The following CADM2 variants were observed in gnomAD, a reference collection of about 807,000 sequenced individuals.
CADM2 encodes the protein immunoglobulin superfamily member 4D.
A neutral mutation model predicts 49.8 loss-of-function variants in CADM2; 12 were observed. That is an observed-to-expected ratio of 0.24 (90% CI 0.15 to 0.39). CADM2 has a LOEUF of 0.39. CADM2 is among the 10% of genes least tolerant of loss of function. The pLI, the probability that CADM2 is intolerant of heterozygous loss-of-function variation, is 1.00. For missense variants in CADM2, 378 were observed against 492.3 expected (o/e 0.77, Z 2.20); for synonymous variants, 214 against 175.4 (o/e 1.22, Z -1.74).
intron 8 of CADM2, chr3:86,013,424 CTT>C: frequency 6.4e-7 from 1 of 1,566,418 alleles, no homozygotes; most frequent in Non-Finnish European, 8.8e-7. Context: ...CAGAAGGTCT[CTT>C]TACCCTAGAT....
chr3:86,040,069 G>A (rs1025800093), intron 8 of CADM2, among the ~76,000 whole-genome samples: 11 of 152,034 alleles, frequency 7.2e-5, no homozygotes, highest in East Asian at 3.9e-4. Context: ...CATCCACACC[G>A]AAACCCCATC....
At chr3:85,608,124 G>GT (rs1269020676) in intron 1 of CADM2, among the ~76,000 whole-genome samples, 1 of 152,044 alleles carries the variant, frequency 6.6e-6, no homozygotes, top group Non-Finnish European at 1.5e-5. Context: ...TTCAAACCGT[G>GT]TGGGCATACA....
rs36050101 is a variant in CADM2 at position 86,065,684 on chromosome 3, G to C, written c.1050G>C (p.Thr350=). The part of the protein sequence containing the change: ...GGIVAVVVFV[T]LCSIFLLGRY... Reference sequence around the variant, plus strand: ...TAGTGGCTGTAGTTGTATTTGTCACGCTGTGTTCTATCTTTCTGCTTGGTC... The same window carrying C: ...TAGTGGCTGTAGTTGTATTTGTCACCCTGTGTTCTATCTTTCTGCTTGGTC... The change falls in exon 9 of 10, where the codon ACG becomes ACC. Residue 350 remains threonine (T), a synonymous_variant. Transcript: ENST00000383699. The C allele has an allele frequency of 7.8e-3, 12,539 of 1,613,940 alleles. 66 individuals are homozygous for C. The highest frequency in any genetic ancestry group is 9.0e-3 in the Non-Finnish European group (10,669 of 1,179,912).
At chr3:85,419,471 A>G (rs2107493232) in intron 1 of CADM2, among the ~76,000 whole-genome samples, 1 of 152,094 alleles carries the variant, frequency 6.6e-6, no homozygotes. Context: ...AAAAAAAAAA[A>G]AATTGCAGTG....
intron 3 of CADM2, among the ~76,000 whole-genome samples, chr3:85,853,492 A>C (rs556869441): frequency 6.6e-6 from 1 of 152,100 alleles, no homozygotes; most frequent in Non-Finnish European, 1.5e-5. Context: ...TAAACTAATA[A>C]TTATCTTACC....
chr3:85,006,355 G>A (rs1030711736), intron 1 of CADM2, among the ~76,000 whole-genome samples: 1 of 152,152 alleles, frequency 6.6e-6, no homozygotes, highest in African/African-American at 2.4e-5. Flanking sequence ...CACTGTCAGA[G>A]AGACTGTCTA....
chr3:85,498,074 A>G (rs1395086884), intron 1 of CADM2, among the ~76,000 whole-genome samples: 1 of 151,972 alleles, frequency 6.6e-6, no homozygotes, highest in Non-Finnish European at 1.5e-5. Context: ...CCAGCAGCAC[A>G]TGTTCCCAGC....
chr3:85,320,531 G>T (rs1233232641), intron 1 of CADM2, among the ~76,000 whole-genome samples: 1 of 152,080 alleles, frequency 6.6e-6, no homozygotes, highest in African/African-American at 2.4e-5. Flanking sequence ...ACATCAGTTT[G>T]GTTCACGGAG....
chr3:85,688,994 A>G (rs1219703692), intron 1 of CADM2, among the ~76,000 whole-genome samples: 3 of 152,220 alleles, frequency 2.0e-5, no homozygotes, highest in Non-Finnish European at 4.4e-5. Flanking sequence ...GAATGTTCAT[A>G]GCACCTTTAC....
chr3:84,960,917 G>T (rs1320408322), intron 1 of CADM2, among the ~76,000 whole-genome samples: 1 of 152,176 alleles, frequency 6.6e-6, no homozygotes, highest in African/African-American at 2.4e-5. Flanking sequence ...TTGTTGCTTT[G>T]AAGAGAATAG....
intron 1 of CADM2, among the ~76,000 whole-genome samples, chr3:85,593,690 A>T (rs1428678204): frequency 1.3e-5 from 2 of 152,044 alleles, no homozygotes; most frequent in Non-Finnish European, 1.5e-5. Flanking sequence ...GTAAAATTAA[A>T]TACATTTGAG....
chr3:85,065,283 AAAC>A (rs2036485481), intron 1 of CADM2, among the ~76,000 whole-genome samples: 1 of 152,100 alleles, frequency 6.6e-6, no homozygotes, highest in Non-Finnish European at 1.5e-5. Context: ...TTTTCTTAAA[AAAC>A]AATTATTTTC....
chr3:85,832,753 G>A (rs1229001667), intron 3 of CADM2, among the ~76,000 whole-genome samples: 1 of 151,900 alleles, frequency 6.6e-6, no homozygotes, highest in African/African-American at 2.4e-5. Flanking sequence ...TCTGCAAACA[G>A]AGATAATTTG....
chr3:85,562,732 A>G (rs2062135031), intron 1 of CADM2, among the ~76,000 whole-genome samples: 1 of 152,172 alleles, frequency 6.6e-6, no homozygotes. Flanking sequence ...GAAGACAGCA[A>G]CAACATGTGT....
intron 1 of CADM2, among the ~76,000 whole-genome samples, chr3:85,557,532 AT>A (rs1169787335): frequency 4.6e-5 from 7 of 151,662 alleles, no homozygotes; most frequent in African/African-American, 1.7e-4. Context: ...GTAAAGTAAA[AT>A]TTATTTAATA....
At chr3:85,686,780 CCTT>C (rs1405230826) in intron 1 of CADM2, among the ~76,000 whole-genome samples, 1 of 152,148 alleles carries the variant, frequency 6.6e-6, no homozygotes, top group Non-Finnish European at 1.5e-5. Context: ...TATCTCATTG[CCTT>C]CTTTGGAGAG....
intron 3 of CADM2, among the ~76,000 whole-genome samples, chr3:85,802,539 A>AT (rs2072116417): frequency 6.6e-6 from 1 of 151,992 alleles, no homozygotes; most frequent in African/African-American, 2.4e-5. Context: ...ATATAATATG[A>AT]TTTTTATGGA....
At chr3:85,428,674 A>T (rs929094060) in intron 1 of CADM2, among the ~76,000 whole-genome samples, 1 of 143,974 alleles carries the variant, frequency 6.9e-6, no homozygotes, top group African/African-American at 2.6e-5. Context: ...ATCATATATA[A>T]TATATCATAT....
chr3:86,062,406 CTT>C (rs1328027449), intron 8 of CADM2, among the ~76,000 whole-genome samples: 2 of 152,002 alleles, frequency 1.3e-5, no homozygotes, highest in African/African-American at 2.4e-5. Context: ...TAACTAGTAA[CTT>C]TAATTTTAAC....
Sources: allele counts gnomAD v4.1 joint callset (sites outside exome capture counted in the v4.1 genomes callset), GRCh38; gene constraint gnomAD v4.1.1; transcripts MANE v1.5; gene names NCBI Gene and HGNC (gene_info 2026-07-23, HGNC 2026-07-21).